Variants in HPSE2 observed in about 807,000 individuals in gnomAD.
HPSE2 encodes the protein heparanase 2 (inactive).
A neutral mutation model predicts 60.5 loss-of-function variants in HPSE2; 38 were observed. The observed-to-expected ratio is 0.63, with a 90% confidence interval of 0.48 to 0.82. The LOEUF is 0.82. Ranked by LOEUF, HPSE2 falls within the 40% of genes least tolerant of loss-of-function variation. The pLI is 0.00. For missense variants in HPSE2, 713 were observed against 740.4 expected (o/e 0.96, Z 0.43); for synonymous variants, 295 against 293.2 (o/e 1.01, Z -0.06).
chr10:98,974,184 C>T (rs908086966), intron 3 of HPSE2, among the ~76,000 whole-genome samples: 25 of 151,932 alleles, frequency 1.6e-4, no homozygotes, highest in African/African-American at 6.0e-4. Context: ...CACAGCTACT[C>T]AGCCTGAGGC....
intron 3 of HPSE2, among the ~76,000 whole-genome samples, chr10:99,143,828 A>G (rs1305559808): frequency 6.6e-6 from 1 of 152,232 alleles, no homozygotes; most frequent in South Asian, 2.1e-4. Flanking sequence ...TCCACCAAGA[A>G]TAGAACATTC....
At position 99,043,317 on chromosome 10, in the gene HPSE2, T is replaced by G. The variant is rs888001759; in HGVS notation, c.610+100921A>C. 3.9e-5 allele frequency among the ~76,000 whole-genome samples: 6 copies of G among 152,128 alleles called. No individual in the cohort carries two copies. In the East Asian group the frequency reaches 1.2e-3, roughly 29 times the overall value. On this transcript the variant is annotated intron_variant, in intron 3 of 11. Coordinates refer to ENST00000370552, the MANE Select transcript of HPSE2 (RefSeq NM_021828.5). ...GGCTAACACGGTGAAACCCCATCTC[T>G]ACTAAAAATACAAAAAATTAGCTGG...
chr10:98,798,687 T>C (rs1262693220), intron 3 of HPSE2, among the ~76,000 whole-genome samples: 12 of 152,204 alleles, frequency 7.9e-5, no homozygotes, highest in Admixed American at 7.9e-4. Flanking sequence ...TGTAAGATAA[T>C]ATTTGCAAGC....
At chr10:98,588,730 T>C (rs1368021355) in intron 9 of HPSE2, among the ~76,000 whole-genome samples, 3 of 150,164 alleles carry the variant, frequency 2.0e-5, no homozygotes, top group Non-Finnish European at 4.4e-5. Context: ...TAAACACCAG[T>C]GTAGTGCACC....
At chr10:99,156,927 A>T (rs1256286425) in intron 2 of HPSE2, among the ~76,000 whole-genome samples, 3 of 131,620 alleles carry the variant, frequency 2.3e-5, no homozygotes, top group African/African-American at 7.6e-5. Flanking sequence ...ATCAATGTAC[A>T]AAAGTCACAA....
intron 2 of HPSE2, among the ~76,000 whole-genome samples, chr10:99,199,318 T>A (rs1173747398): frequency 6.6e-6 from 1 of 152,116 alleles, no homozygotes. Flanking sequence ...TTTCTCCACA[T>A]CCTCACCAAC....
At chr10:99,300,191 G>T in the HPSE2 span, among the ~76,000 whole-genome samples, 26 of 152,060 alleles carry the variant, frequency 1.7e-4, no homozygotes, top group Admixed American at 1.7e-3. Flanking sequence ...CAAAATCAGT[G>T]TGCCTTCTGT....
chr10:98,511,038 C>T (rs936063786), intron 9 of HPSE2, among the ~76,000 whole-genome samples: 1 of 151,998 alleles, frequency 6.6e-6, no homozygotes, highest in African/African-American at 2.4e-5. Context: ...CTTCAGTTTC[C>T]TCATCAGGAT....
In HPSE2 at chr10:98,482,302, T is replaced by C. The variant is rs1035014983; in HGVS notation, c.1613+334A>G. ...GTTGCTACATGACCATGGGGCACTA[T>C]TGGCATTTGGTGAGCAGCGGCCAAG... On this transcript the variant is annotated intron_variant, in intron 11 of 11. Transcript: ENST00000370552. Among the ~76,000 whole-genome samples, 71 of 152,292 alleles carry C rather than the reference T, an allele frequency of 4.7e-4. 1 individual carries two copies. Among genetic ancestry groups the C allele is most frequent in the African/African-American group, 1.6e-3 (68 of 41,568 alleles).
At chr10:98,535,301 GGA>G (rs930149843) in intron 9 of HPSE2, among the ~76,000 whole-genome samples, 1 of 151,982 alleles carries the variant, frequency 6.6e-6, no homozygotes, top group African/African-American at 2.4e-5. Flanking sequence ...TGCAGTGAGG[GGA>G]GAGGCTACAT....
At chr10:99,187,692 C>T (rs936792237) in intron 2 of HPSE2, among the ~76,000 whole-genome samples, 1 of 152,196 alleles carries the variant, frequency 6.6e-6, no homozygotes, top group Non-Finnish European at 1.5e-5. Context: ...TAAGATACTA[C>T]TGAATACTCA....
At chr10:99,103,634 T>C (rs1589661705) in intron 3 of HPSE2, among the ~76,000 whole-genome samples, 1 of 152,144 alleles carries the variant, frequency 6.6e-6, no homozygotes, top group East Asian at 1.9e-4. Flanking sequence ...AAAAAACTAC[T>C]TTAAAGTTCA....
chr10:98,725,314 G>C (rs1211797623), intron 4 of HPSE2, among the ~76,000 whole-genome samples: 70 of 152,084 alleles, frequency 4.6e-4, no homozygotes, highest in Non-Finnish European at 2.5e-4. Context: ...GAACAGAACA[G>C]AGCCCTCAGA....
chr10:99,104,218 A>T (rs1477940038), intron 3 of HPSE2, among the ~76,000 whole-genome samples: 1 of 152,126 alleles, frequency 6.6e-6, no homozygotes. Flanking sequence ...TGGGAGAAAA[A>T]TTTTGCAATC....
intron 3 of HPSE2, among the ~76,000 whole-genome samples, chr10:98,912,991 C>T (rs1016373688): frequency 6.6e-6 from 1 of 152,102 alleles, no homozygotes; most frequent in African/African-American, 2.4e-5. Context: ...CCCTATTTTC[C>T]ATTATGTGAT....
At chr10:98,609,341 TAA>T (rs1406653171) in intron 9 of HPSE2, among the ~76,000 whole-genome samples, 2 of 152,224 alleles carry the variant, frequency 1.3e-5, no homozygotes, top group Non-Finnish European at 2.9e-5. Context: ...ATGAATGCAA[TAA>T]GTGTTTACGA....
intron 5 of HPSE2, among the ~76,000 whole-genome samples, chr10:98,708,768 A>G (rs943179233): frequency 4.6e-5 from 7 of 152,226 alleles, no homozygotes; most frequent in Non-Finnish European, 1.0e-4. Flanking sequence ...ATGACCAAAC[A>G]CATCCTTCTC....
chr10:98,479,454 C>T (rs1941149274), intron 11 of HPSE2, among the ~76,000 whole-genome samples: 1 of 152,194 alleles, frequency 6.6e-6, no homozygotes, highest in South Asian at 2.1e-4. Context: ...CCTTTCTGCA[C>T]AGTCTGCTTC....
chr10:99,251,389 A>T, the HPSE2 span, among the ~76,000 whole-genome samples: 1 of 148,096 alleles, frequency 6.8e-6, no homozygotes, highest in Non-Finnish European at 1.5e-5. Flanking sequence ...GACCAGAAAG[A>T]TTAACAGCCG....
Sources: allele counts gnomAD v4.1 joint callset (sites outside exome capture counted in the v4.1 genomes callset), GRCh38; gene constraint gnomAD v4.1.1; transcripts MANE v1.5; gene names NCBI Gene and HGNC (gene_info 2026-07-23, HGNC 2026-07-21).